Variants in NALF1 observed in about 807,000 individuals in gnomAD.
NALF1 encodes NALCN channel auxiliary factor 1, also known as family with sequence similarity 155 member A.
A neutral mutation model predicts 48.4 loss-of-function variants in NALF1; 3 were observed. That is an observed-to-expected ratio of 0.06 (90% CI 0.03 to 0.16). The LOEUF is 0.16. Ranked by LOEUF, NALF1 falls within the 10% of genes least tolerant of loss-of-function variation. NALF1 has a pLI of 1.00. For missense variants in NALF1, 526 were observed against 571.5 expected (o/e 0.92, Z 0.81); for synonymous variants, 262 against 245.7 (o/e 1.07, Z -0.62).
Position 107,456,370 on chromosome 13 carries a change from T to G in NALF1, c.916-245615A>C, listed in dbSNP as rs563646192. On this transcript the variant is annotated intron_variant, in intron 1 of 2. Coordinates refer to ENST00000375915, the MANE Select transcript of NALF1 (RefSeq NM_001080396.3). The stretch of plus-strand genomic sequence containing the variant: ...CATTTATAATTAATTTTTCAAAATT[T>G]ATTTCTTATTTGAATCATCGTCTGT... Among the ~76,000 whole-genome samples, 21 of 152,370 alleles carry G rather than the reference T, an allele frequency of 1.4e-4. No individual in the cohort carries two copies. The South Asian group carries it at 2.7e-3, about 20-fold the overall frequency.
At chr13:107,669,311 A>C in intron 1 of NALF1, among the ~76,000 whole-genome samples, 1 of 152,168 alleles carries the variant, frequency 6.6e-6, no homozygotes, top group East Asian at 1.9e-4. Context: ...ATTTACTCTT[A>C]ATAGTCATTG....
At chr13:107,488,932 T>C (rs1885372265) in intron 1 of NALF1, among the ~76,000 whole-genome samples, 1 of 152,132 alleles carries the variant, frequency 6.6e-6, no homozygotes, top group Non-Finnish European at 1.5e-5. Context: ...AGTCTCAGGA[T>C]ACAAAATTAA....
At chr13:107,596,487 A>AAT (rs1459934152) in intron 1 of NALF1, among the ~76,000 whole-genome samples, 4 of 152,232 alleles carry the variant, frequency 2.6e-5, no homozygotes, top group African/African-American at 9.6e-5. Context: ...AATGCTATGT[A>AAT]GCCACAAAAA....
intron 1 of NALF1, among the ~76,000 whole-genome samples, chr13:107,738,791 G>A (rs1876537663): frequency 6.6e-6 from 1 of 151,956 alleles, no homozygotes; most frequent in African/African-American, 2.4e-5. Context: ...AGCCTCCCGA[G>A]TAGGTGGGAC....
intron 2 of NALF1, among the ~76,000 whole-genome samples, chr13:107,185,578 A>G (rs559470732): frequency 1.3e-4 from 20 of 152,188 alleles, no homozygotes; most frequent in Admixed American, 7.9e-4. Context: ...ACCCATCAAT[A>G]TCACCAATAT....
chr13:107,253,508 A>C (rs542364709), intron 1 of NALF1, among the ~76,000 whole-genome samples: 1 of 152,178 alleles, frequency 6.6e-6, no homozygotes, highest in East Asian at 1.9e-4. Context: ...GAGCTGGGGA[A>C]AGTCCTCTCC....
At chr13:107,251,355 CCA>C (rs1247171962) in intron 1 of NALF1, among the ~76,000 whole-genome samples, 1 of 152,158 alleles carries the variant, frequency 6.6e-6, no homozygotes, top group Admixed American at 6.5e-5. Flanking sequence ...AGACAAGAAG[CCA>C]CAGACTTAGC....
chr13:107,752,964 T>A (rs1876980975), intron 1 of NALF1, among the ~76,000 whole-genome samples: 1 of 152,228 alleles, frequency 6.6e-6, no homozygotes, highest in South Asian at 2.1e-4. Flanking sequence ...CCAAGTAGAC[T>A]TGTGTTACCA....
intron 1 of NALF1, among the ~76,000 whole-genome samples, chr13:107,543,250 C>T (rs2139121350): frequency 6.6e-6 from 1 of 151,992 alleles, no homozygotes; most frequent in East Asian, 1.9e-4. Flanking sequence ...GTATGTTTAG[C>T]ATGGAAACTT....
At chr13:107,458,778 G>A (rs1022532229) in intron 1 of NALF1, among the ~76,000 whole-genome samples, 5 of 152,092 alleles carry the variant, frequency 3.3e-5, no homozygotes, top group Admixed American at 1.3e-4. Flanking sequence ...AATTTTTGGC[G>A]TATGACAAAA....
At chr13:107,458,473 T>C (rs565849036) in intron 1 of NALF1, among the ~76,000 whole-genome samples, 212 of 152,226 alleles carry the variant, frequency 1.4e-3, no homozygotes, top group Non-Finnish European at 2.5e-3. Context: ...GGATGCCCAG[T>C]AATGGCCATG....
chr13:107,667,778 T>C (rs942111042), intron 1 of NALF1, among the ~76,000 whole-genome samples: 3 of 152,136 alleles, frequency 2.0e-5, no homozygotes, highest in African/African-American at 7.2e-5. Context: ...TACAAAACAT[T>C]TGGGCTGCTA....
intron 1 of NALF1, among the ~76,000 whole-genome samples, chr13:107,616,201 G>A (rs565322864): frequency 1.3e-5 from 2 of 152,314 alleles, no homozygotes; most frequent in South Asian, 4.1e-4. Flanking sequence ...TATCATCATA[G>A]AAAATGAAAA....
chr13:107,444,432 A>G (rs1884614863), intron 1 of NALF1, among the ~76,000 whole-genome samples: 1 of 152,186 alleles, frequency 6.6e-6, no homozygotes, highest in Admixed American at 6.6e-5. Context: ...GGGAGTGGCA[A>G]CTATGAACTC....
intron 1 of NALF1, among the ~76,000 whole-genome samples, chr13:107,860,934 T>A (rs1011141528): frequency 2.0e-5 from 3 of 152,206 alleles, no homozygotes; most frequent in African/African-American, 7.2e-5. Context: ...ATAAAAGAGG[T>A]TAAAAGCAAT....
rs933352890 is a variant in NALF1, at chr13:107,414,180, C to T, written c.916-203425G>A. Among the ~76,000 whole-genome samples the T allele has an allele frequency of 3.3e-5, 5 of 151,382 alleles. No individual in the cohort carries two copies. In the East Asian group the frequency reaches 9.8e-4, roughly 30 times the overall value. On this transcript the variant is annotated intron_variant, in intron 1 of 2. Coordinates refer to ENST00000375915, the MANE Select transcript of NALF1 (RefSeq NM_001080396.3). ...TAAGCATATAATCATTAAAAAACTT[C>T]TCTTATTGAAAATAATTTGAAAAAC... is the stretch of plus-strand genomic sequence containing the variant.
chr13:107,761,139 C>T (rs1697071949), intron 1 of NALF1, among the ~76,000 whole-genome samples: 1 of 152,102 alleles, frequency 6.6e-6, no homozygotes, highest in African/African-American at 2.4e-5. Context: ...GGGCAGATCA[C>T]GAGGTCAAGA....
intron 1 of NALF1, among the ~76,000 whole-genome samples, chr13:107,798,192 A>C (rs1226155857): frequency 6.6e-6 from 1 of 152,184 alleles, no homozygotes; most frequent in Non-Finnish European, 1.5e-5. Context: ...ATGAGTAGAG[A>C]ATATCAATGG....
intron 1 of NALF1, among the ~76,000 whole-genome samples, chr13:107,756,435 C>CCATATATATATATATATATATATATA (rs1555323651): frequency 7.1e-6 from 1 of 141,056 alleles, no homozygotes; most frequent in African/African-American, 2.7e-5. Context: ...AGTTTAATGG[C>CCATATATATATATATATATATATATA]TATATATATA....
Sources: allele counts gnomAD v4.1 joint callset (sites outside exome capture counted in the v4.1 genomes callset), GRCh38; gene constraint gnomAD v4.1.1; transcripts MANE v1.5; gene names NCBI Gene and HGNC (gene_info 2026-07-23, HGNC 2026-07-21).